The following PSG6 variants were observed in gnomAD, a reference collection of about 807,000 sequenced individuals.
PSG6 encodes pregnancy specific beta-1-glycoprotein 6, also known as pregnancy-specific beta-1-glycoprotein 6.
PSG6 carries 51 observed loss-of-function variants against 43.3 expected under a neutral mutation model. The ratio of observed to expected loss-of-function variants is 1.18; its 90% confidence interval spans 0.94 to 1.49. The LOEUF (loss-of-function observed/expected upper bound fraction) is 1.49, where lower values mean the gene tolerates loss of function less well. Among genes scored for constraint, PSG6 ranks in the 40% most tolerant of loss-of-function variants. The pLI is 0.00. For missense variants in PSG6, 770 were observed against 522.2 expected (o/e 1.47, Z -4.62); for synonymous variants, 292 against 197.6 (o/e 1.48, Z -4.01).
At chr19:42,908,366 C>G (rs1468233477) in intron 3 of PSG6, among the ~76,000 whole-genome samples, 1 of 151,712 alleles carries the variant, frequency 6.6e-6, no homozygotes, top group Admixed American at 6.6e-5. Context: ...GATGTTTCAG[C>G]AGAAATAACA....
intron 5 of PSG6, among the ~76,000 whole-genome samples, chr19:42,906,068 T>C (rs529801385): frequency 1.3e-5 from 2 of 151,690 alleles, no homozygotes; most frequent in African/African-American, 4.8e-5. Flanking sequence ...ATAAAGTGTC[T>C]CGTGGTCTTG....
Position 42,906,847 on chromosome 19 carries a change from T to C in PSG6, c.1240+75A>G, listed in dbSNP as rs1231970973. Reference sequence around the variant, plus strand: ...GGACACAGTCTGGGAATACAAATGTTTTCCTGACTCTTCTCTGAAAGCCAG... The same window carrying C: ...GGACACAGTCTGGGAATACAAATGTCTTCCTGACTCTTCTCTGAAAGCCAG... On this transcript the variant is annotated intron_variant, in intron 5 of 5. Coordinates refer to ENST00000187910, the MANE Select transcript of PSG6 (RefSeq NM_001031850.4). 7 of 1,609,476 alleles carry C rather than the reference T, an allele frequency of 4.3e-6. 1 individual carries two copies. Among genetic ancestry groups the C allele is most frequent in the Non-Finnish European group, 5.9e-6 (7 of 1,177,758 alleles).
At chr19:42,909,279 C>G (rs150307820) in intron 3 of PSG6, among the ~76,000 whole-genome samples, 14 of 151,482 alleles carry the variant, frequency 9.2e-5, no homozygotes, top group Admixed American at 2.0e-4. Flanking sequence ...ATGCTGCACT[C>G]GTATATTTTT....
chr19:42,916,562 A>T, intron 1 of PSG6, 75 bp from the exon 2 acceptor site: 2 of 1,527,666 alleles, frequency 1.3e-6, no homozygotes, highest in Admixed American at 4.0e-5. Flanking sequence ...CTGTGTCCTG[A>T]GAAGGTCTCT....
At chr19:42,909,026 A>C (rs1285035764) in intron 3 of PSG6, among the ~76,000 whole-genome samples, 3 of 151,732 alleles carry the variant, frequency 2.0e-5, no homozygotes, top group African/African-American at 2.4e-5. Flanking sequence ...CATAAGTTTT[A>C]GGACAAAAAG....
intron 2 of PSG6, among the ~76,000 whole-genome samples, chr19:42,912,658 G>A (rs1972249344): frequency 6.6e-6 from 1 of 151,774 alleles, no homozygotes; most frequent in Non-Finnish European, 1.5e-5. Flanking sequence ...AACATGGGGA[G>A]GACCCCAAAA....
At chr19:42,908,735 T>A (rs1227198445) in intron 3 of PSG6, among the ~76,000 whole-genome samples, 3 of 151,752 alleles carry the variant, frequency 2.0e-5, no homozygotes, top group Non-Finnish European at 2.9e-5. Context: ...ATGGACCATG[T>A]GTGTTTGATG....
intron 5 of PSG6, among the ~76,000 whole-genome samples, chr19:42,906,071 T>C (rs189969815): frequency 3.3e-5 from 5 of 151,700 alleles, no homozygotes; most frequent in African/African-American, 1.2e-4. Context: ...AAGTGTCTCG[T>C]GGTCTTGCCC....
At chr19:42,903,585 A>C (rs934364312) in intron 5 of PSG6, 28 of 1,404,638 alleles carry the variant, frequency 2.0e-5, no homozygotes, top group African/African-American at 1.2e-4. Context: ...AGATAAAATT[A>C]CTCAAATCAT....
intron 2 of PSG6, among the ~76,000 whole-genome samples, chr19:42,913,808 A>G (rs1320693408): frequency 1.3e-5 from 2 of 151,658 alleles, no homozygotes; most frequent in African/African-American, 4.8e-5. Flanking sequence ...ACCTAGAGGC[A>G]GATTCAAGCA....
chr19:42,907,837 A>T lies in PSG6; in HGVS notation c.724T>A (p.Tyr242Asn). The change falls in exon 4 of 6, where the codon TAC (tyrosine) becomes AAC (asparagine). Residue 242 changes from tyrosine (Y) to asparagine (N), a missense_variant. Tyr to Asn is a moderately radical substitution (Grantham distance 143). Coordinates refer to ENST00000187910, the MANE Select transcript of PSG6 (RefSeq NM_001031850.4). ...GGGTTTAAGTTGTTGATGGTGATGT[A>T]AGGCATGGGCAGCTTCGCTGTGTGG... ...LNLLPKLPMPYITINNLNPRE... is the reference protein window; with the variant it reads ...LNLLPKLPMPNITINNLNPRE... 6.2e-7 allele frequency: 1 copy of T among 1,611,562 alleles called. No homozygotes were observed. The highest frequency in any genetic ancestry group is 8.5e-7 in the Non-Finnish European group (1 of 1,179,040).
At chr19:42,917,459 G>T (rs922906202) in intron 1 of PSG6, among the ~76,000 whole-genome samples, 2 of 148,734 alleles carry the variant, frequency 1.3e-5, no homozygotes, top group Admixed American at 1.3e-4. Context: ...TGCCTCCTGG[G>T]TTCATGTGAT....
intron 3 of PSG6, among the ~76,000 whole-genome samples, chr19:42,909,206 CT>C (rs953432438): frequency 6.6e-6 from 1 of 151,234 alleles, no homozygotes; most frequent in Non-Finnish European, 1.5e-5. Context: ...TATTCTTGCC[CT>C]TTTTTTTCTC....
chr19:42,906,515 T>C, intron 5 of PSG6: 3 of 1,255,082 alleles, frequency 2.4e-6, no homozygotes, highest in Non-Finnish European at 3.1e-6. Flanking sequence ...GGGAAAAGTG[T>C]GAGCTTGTTT....
intron 5 of PSG6, 170 bp downstream of exon 5, chr19:42,906,752 G>A (rs1160236068): frequency 1.9e-6 from 3 of 1,557,800 alleles, no homozygotes; most frequent in Non-Finnish European, 2.6e-6. Flanking sequence ...AGAAAAACAA[G>A]CAGAAGAGAG....
chr19:42,916,245 T>C lies in PSG6; in HGVS notation c.307A>G (p.Asn103Asp). ...ACATTCTGGATCAGCAGGGATGCAT[T>C]GGAATATACTGTTTCTCGTCCACTG... ...AYSGRETVYSNASLLIQNVTQ... is the reference protein window; with the variant it reads ...AYSGRETVYSDASLLIQNVTQ... Residue 103 changes from asparagine to aspartate, a missense_variant, in exon 2 of 6, where the codon AAT becomes GAT. Physicochemically the swap from Asn to Asp is conservative, Grantham distance 23. Transcript: ENST00000187910. The C allele has an allele frequency of 6.2e-7, 1 of 1,612,228 alleles. No homozygotes were observed. Among genetic ancestry groups the C allele is most frequent in the Non-Finnish European group, 8.5e-7 (1 of 1,179,098 alleles).
Position 42,902,227 on chromosome 19 carries a change from A to C in PSG6, c.*185T>G. ...AGTATACTTTACCAATTGCTGAAGA[A>C]AAAAAGTTCATAAATCTGGAGAATA... On this transcript the variant is annotated 3_prime_UTR_variant, in exon 6 of 6. Coordinates refer to ENST00000187910, the MANE Select transcript of PSG6 (RefSeq NM_001031850.4). 1 of 796,224 alleles carries C rather than the reference A, an allele frequency of 1.3e-6. No homozygotes were observed. The highest frequency in any genetic ancestry group is 1.9e-6 in the Non-Finnish European group (1 of 528,834). The allele number at this position is 796,224 out of a possible 1,614,324, so 49.3% of individuals were successfully genotyped here.
intron 2 of PSG6, among the ~76,000 whole-genome samples, chr19:42,911,758 C>G (rs1436061797): frequency 6.6e-6 from 1 of 151,606 alleles, no homozygotes; most frequent in Non-Finnish European, 1.5e-5. Context: ...GATATTAGAC[C>G]AATATTTGGG....
At chr19:42,906,700 C>T in intron 5 of PSG6, 2 of 1,468,038 alleles carry the variant, frequency 1.4e-6, no homozygotes, top group Non-Finnish European at 1.8e-6. Context: ...AGCCCCCTCC[C>T]TACCTTTCTC....
Sources: allele counts gnomAD v4.1 joint callset (sites outside exome capture counted in the v4.1 genomes callset), GRCh38; gene constraint gnomAD v4.1.1; transcripts MANE v1.5; gene names NCBI Gene and HGNC (gene_info 2026-07-23, HGNC 2026-07-21).